The following CNTN4 variants were observed in gnomAD, a reference collection of about 807,000 sequenced individuals.
CNTN4 encodes contactin 4.
CNTN4 carries 77 observed loss-of-function variants against 122.5 expected under a neutral mutation model. That is an observed-to-expected ratio of 0.63 (90% CI 0.52 to 0.76). The LOEUF is 0.76. CNTN4 is among the 30% of genes least tolerant of loss of function. The probability of loss-of-function intolerance (pLI) is 0.00; values close to 1 mark genes in which losing one functional copy is unlikely to be tolerated. For missense variants in CNTN4, 1,256 were observed against 1,259.1 expected (o/e 1.00, Z 0.04); for synonymous variants, 512 against 447.0 (o/e 1.15, Z -1.83).
intron 3 of CNTN4, among the ~76,000 whole-genome samples, chr3:2,404,413 G>A (rs572178242): frequency 2.0e-5 from 3 of 152,192 alleles, no homozygotes; most frequent in South Asian, 4.2e-4. Flanking sequence ...TTGGCTGGAG[G>A]TCATTCTCAG....
intron 14 of CNTN4, among the ~76,000 whole-genome samples, chr3:3,010,413 T>C (rs1304362414): frequency 6.6e-6 from 1 of 151,888 alleles, no homozygotes; most frequent in East Asian, 1.9e-4. Flanking sequence ...TTCCAGTATT[T>C]TAACAGTAAT....
At chr3:2,694,032 T>A (rs2085883987) in intron 4 of CNTN4, among the ~76,000 whole-genome samples, 1 of 152,150 alleles carries the variant, frequency 6.6e-6, no homozygotes, top group Non-Finnish European at 1.5e-5. Flanking sequence ...TTTACTTACA[T>A]CTTATACTCA....
At chr3:2,978,410 G>C (rs543599285) in intron 13 of CNTN4, among the ~76,000 whole-genome samples, 8 of 152,302 alleles carry the variant, frequency 5.3e-5, no homozygotes, top group Middle Eastern at 3.4e-3. Flanking sequence ...ATTAAAGAGA[G>C]GTTCAAGCCA....
chr3:2,343,157 G>A (rs1434899351), intron 3 of CNTN4, among the ~76,000 whole-genome samples: 1 of 152,024 alleles, frequency 6.6e-6, no homozygotes, highest in Admixed American at 6.5e-5. Flanking sequence ...AGGAGAATAG[G>A]GTCTGGAGGC....
Position 3,034,687 on chromosome 3 carries a change from T to C in CNTN4, c.1839T>C (p.Ala613=). 1 of 1,614,082 alleles carries C rather than the reference T, an allele frequency of 6.2e-7. No homozygotes were observed. Among genetic ancestry groups the C allele is most frequent in the South Asian group, 1.1e-5 (1 of 91,064 alleles). ...TAGACGAAATCACAGATACCACTGCTCAGCTCTCCTGGAGACCCGGGCCTG... is the reference window on the plus strand; with the variant it reads ...TAGACGAAATCACAGATACCACTGCCCAGCTCTCCTGGAGACCCGGGCCTG... The part of the protein sequence containing the change: ...VTIDEITDTT[A]QLSWRPGPDN... Residue 613 remains alanine (A), a synonymous_variant, in exon 17 of 25, where the codon GCT becomes GCC. Coordinates refer to ENST00000418658, the MANE Select transcript of CNTN4 (RefSeq NM_175607.3).
chr3:2,964,601 C>G (rs1692110679), intron 13 of CNTN4, among the ~76,000 whole-genome samples: 1 of 152,048 alleles, frequency 6.6e-6, no homozygotes, highest in Non-Finnish European at 1.5e-5. Flanking sequence ...CTTATAAGCT[C>G]CCATATGTGA....
At chr3:2,254,314 A>T (rs2040493379) in intron 2 of CNTN4, among the ~76,000 whole-genome samples, 1 of 152,094 alleles carries the variant, frequency 6.6e-6, no homozygotes, top group Non-Finnish European at 1.5e-5. Context: ...GGTTGGTTCC[A>T]AGTCTTTGTT....
chr3:2,518,784 A>G (rs2077113910), intron 3 of CNTN4, among the ~76,000 whole-genome samples: 2 of 152,136 alleles, frequency 1.3e-5, no homozygotes, highest in South Asian at 4.1e-4. Flanking sequence ...ATGATGTGGA[A>G]GTATAGGGAA....
At chr3:2,815,507 T>G (rs1403829356) in intron 6 of CNTN4, among the ~76,000 whole-genome samples, 1 of 152,172 alleles carries the variant, frequency 6.6e-6, no homozygotes, top group African/African-American at 2.4e-5. Flanking sequence ...ACATCACTAA[T>G]GATCAGGGAA....
rs977295576 is a variant in CNTN4 at position 2,819,564 on chromosome 3, C to T, written c.437C>T (p.Pro146Leu). The change falls in exon 7 of 25, where the codon CCG becomes CTG. Residue 146 changes from proline to leucine, a missense_variant. By Grantham distance (98) the Pro-to-Leu change is moderately conservative. Transcript: ENST00000418658. ...CAAGGAATGGTGCTACTGTGTGGCCCGCCACCCCATTCTGGAGGTACATAT... is the reference window on the plus strand; with the variant it reads ...CAAGGAATGGTGCTACTGTGTGGCCTGCCACCCCATTCTGGAGGTACATAT... ...RGQGMVLLCG[P>L]PPHSGELSYA... 1.6e-5 allele frequency: 26 copies of T among 1,612,506 alleles called. No homozygotes were observed. Among genetic ancestry groups the T allele is most frequent in the Non-Finnish European group, 2.1e-5 (25 of 1,178,646 alleles).
chr3:2,168,969 T>C (rs1293409304), intron 2 of CNTN4, among the ~76,000 whole-genome samples: 5 of 152,242 alleles, frequency 3.3e-5, no homozygotes, highest in Non-Finnish European at 5.9e-5. Flanking sequence ...GATGGCTTCC[T>C]AGTTAAGTGC....
intron 2 of CNTN4, among the ~76,000 whole-genome samples, chr3:2,326,162 T>G (rs185345125): frequency 6.6e-6 from 1 of 152,294 alleles, no homozygotes; most frequent in African/African-American, 2.4e-5. Flanking sequence ...CCTTATGCAA[T>G]CAGCTGAAGG....
At chr3:2,855,839 A>T (rs1472590861) in intron 7 of CNTN4, among the ~76,000 whole-genome samples, 1 of 151,262 alleles carries the variant, frequency 6.6e-6, no homozygotes, top group Non-Finnish European at 1.5e-5. Flanking sequence ...AACTCAGCAA[A>T]ACTGCACCAG....
chr3:2,978,176 C>T (rs1020534100), intron 13 of CNTN4, among the ~76,000 whole-genome samples: 1 of 152,140 alleles, frequency 6.6e-6, no homozygotes, highest in Non-Finnish European at 1.5e-5. Context: ...GCTATGGCAG[C>T]CATAGGAAAC....
intron 3 of CNTN4, among the ~76,000 whole-genome samples, chr3:2,467,074 A>G (rs1407856607): frequency 6.6e-6 from 1 of 151,090 alleles, no homozygotes; most frequent in Non-Finnish European, 1.5e-5. Flanking sequence ...TTATTTAAAA[A>G]AAGTCTTCCA....
intron 2 of CNTN4, among the ~76,000 whole-genome samples, chr3:2,162,224 A>G (rs1397999600): frequency 1.3e-5 from 2 of 152,302 alleles, no homozygotes; most frequent in Admixed American, 6.5e-5. Flanking sequence ...ATTTTTGTTT[A>G]TCAACATGAG....
intron 13 of CNTN4, among the ~76,000 whole-genome samples, chr3:2,978,345 C>G (rs1266097015): frequency 2.0e-5 from 3 of 152,172 alleles, no homozygotes; most frequent in African/African-American, 7.2e-5. Flanking sequence ...CATGCTGCTA[C>G]TGGTTTAAAG....
intron 4 of CNTN4, among the ~76,000 whole-genome samples, chr3:2,727,100 G>C (rs962769078): frequency 6.6e-6 from 1 of 152,098 alleles, no homozygotes; most frequent in Non-Finnish European, 1.5e-5. Flanking sequence ...CGGTTATGTC[G>C]CCTCCATGTA....
chr3:2,593,149 AT>A (rs1467327308), intron 4 of CNTN4, among the ~76,000 whole-genome samples: 1 of 152,162 alleles, frequency 6.6e-6, no homozygotes, highest in Non-Finnish European at 1.5e-5. Flanking sequence ...TGGTCTATAC[AT>A]TTTCTGAATG....
Sources: allele counts gnomAD v4.1 joint callset (sites outside exome capture counted in the v4.1 genomes callset), GRCh38; gene constraint gnomAD v4.1.1; transcripts MANE v1.5; gene names NCBI Gene and HGNC (gene_info 2026-07-23, HGNC 2026-07-21).